AKAP19: variants seen among roughly 807,000 people sequenced by gnomAD.
AKAP19 encodes the protein A-kinase anchoring protein 19.
chr2:190,150,315 G>A, the AKAP19 span: 1 of 152,114 alleles, frequency 6.6e-6, no homozygotes, highest in Non-Finnish European at 1.5e-5. Context: ...TGCTCCTCTG[G>A]TCACCCTCCT....
chr2:190,057,481 T>C, the AKAP19 span: 1 of 1,613,550 alleles, frequency 6.2e-7, no homozygotes, highest in Non-Finnish European at 8.5e-7. Flanking sequence ...CTTATATCTT[T>C]TAGGAGCGAT....
At chr2:190,030,997 C>T in the AKAP19 span, among the ~76,000 whole-genome samples, 8 of 152,150 alleles carry the variant, frequency 5.3e-5, no homozygotes, top group South Asian at 4.1e-4. Context: ...AGATAATTCA[C>T]GGTTTGCTGG....
At chr2:190,073,748 TA>T in the AKAP19 span, among the ~76,000 whole-genome samples, 11 of 148,224 alleles carry the variant, frequency 7.4e-5, no homozygotes, top group African/African-American at 1.2e-4. Context: ...ATCACTTAGT[TA>T]AAAAAAAAAC....
At chr2:190,013,485 T>C in the AKAP19 span, among the ~76,000 whole-genome samples, 1 of 151,924 alleles carries the variant, frequency 6.6e-6, no homozygotes, top group Admixed American at 6.6e-5. Context: ...TTTATTTGAG[T>C]CGTCTCTCTT....
chr2:190,123,226 C>T, the AKAP19 span, among the ~76,000 whole-genome samples: 9 of 152,064 alleles, frequency 5.9e-5, no homozygotes, highest in Non-Finnish European at 1.3e-4. Context: ...CTCATCAATC[C>T]TTTTTAAGCA....
At chr2:189,998,341 A>G in the AKAP19 span, among the ~76,000 whole-genome samples, 1 of 152,094 alleles carries the variant, frequency 6.6e-6, no homozygotes, top group Non-Finnish European at 1.5e-5. Context: ...GACTGCTGCT[A>G]TTTCTTCACC....
the AKAP19 span, among the ~76,000 whole-genome samples, chr2:190,167,255 T>C: frequency 6.6e-6 from 1 of 152,130 alleles, no homozygotes; most frequent in East Asian, 1.9e-4. Flanking sequence ...GAAACTCCCC[T>C]TTTTAAAACC....
At chr2:190,186,583 C>T in the AKAP19 span, among the ~76,000 whole-genome samples, 2 of 152,116 alleles carry the variant, frequency 1.3e-5, no homozygotes, top group East Asian at 1.9e-4. The surrounding 1 kb of genome is among the most constrained non-coding windows in gnomAD (Gnocchi z 5.5). Context: ...GTAGCTTTTC[C>T]TTTTTGGTGA....
the AKAP19 span, among the ~76,000 whole-genome samples, chr2:190,009,710 G>A: frequency 5.9e-5 from 9 of 152,114 alleles, no homozygotes; most frequent in South Asian, 2.1e-4. Context: ...GGGAGCCTTC[G>A]TCATAGAAAC....
chr2:190,125,369 A>G, the AKAP19 span, among the ~76,000 whole-genome samples: 1 of 152,192 alleles, frequency 6.6e-6, no homozygotes, highest in Non-Finnish European at 1.5e-5. Context: ...GTTCTGTCTC[A>G]GTGGAGAACG....
the AKAP19 span, chr2:189,917,846 A>G: frequency 6.6e-6 from 1 of 151,058 alleles, no homozygotes; most frequent in East Asian, 2.0e-4. Flanking sequence ...GTCATTTTAG[A>G]TTTTTTCTGT....
chr2:189,930,649 C>T, the AKAP19 span: 1 of 343,864 alleles, frequency 2.9e-6, no homozygotes, highest in Non-Finnish European at 5.7e-6. Flanking sequence ...GCACTCCAGC[C>T]TGGGTGACAA....
chr2:190,185,800 C>A, the AKAP19 span, among the ~76,000 whole-genome samples: 2 of 152,280 alleles, frequency 1.3e-5, no homozygotes, highest in East Asian at 3.9e-4. Flanking sequence ...TTATAATTCT[C>A]TTTCCTCAAT....
the AKAP19 span, among the ~76,000 whole-genome samples, chr2:190,024,934 G>A: frequency 6.6e-6 from 1 of 152,228 alleles, no homozygotes; most frequent in Admixed American, 6.5e-5. Context: ...TCTCAAAATA[G>A]AATTGATTTT....
the AKAP19 span, among the ~76,000 whole-genome samples, chr2:190,194,542 T>C: frequency 6.6e-6 from 1 of 150,694 alleles, no homozygotes; most frequent in Non-Finnish European, 1.5e-5. Context: ...ACTAGACACA[T>C]CGCAATCACC....
chr2:190,002,039 G>A, the AKAP19 span, among the ~76,000 whole-genome samples: 4 of 152,240 alleles, frequency 2.6e-5, no homozygotes, highest in East Asian at 5.8e-4. Context: ...GCAGAGAATC[G>A]CTGCCATTTC....
chr2:190,069,753 T>C, the AKAP19 span, among the ~76,000 whole-genome samples: 2 of 152,244 alleles, frequency 1.3e-5, no homozygotes, highest in South Asian at 4.1e-4. Context: ...TATTTGTTCA[T>C]TAAACCCTTA....
At chr2:189,953,621 T>G in the AKAP19 span, among the ~76,000 whole-genome samples, 4 of 121,540 alleles carry the variant, frequency 3.3e-5, no homozygotes, top group African/African-American at 1.1e-4. Flanking sequence ...GTGACAAGAG[T>G]GAAACTCCAT....
the AKAP19 span, among the ~76,000 whole-genome samples, chr2:190,128,710 A>G: frequency 6.6e-6 from 1 of 152,202 alleles, no homozygotes; most frequent in Non-Finnish European, 1.5e-5. Context: ...GCATGTGTTT[A>G]TGTTCATAAA....
Sources: gnomAD v4.1 joint callset for allele counts (sites outside exome capture counted in the v4.1 genomes callset) on GRCh38, gnomAD v4.1.1 for gene constraint, Gnocchi (gnomAD v3.1) non-coding constraint, MANE v1.5 for transcripts, NCBI Gene and HGNC (gene_info 2026-07-23, HGNC 2026-07-21) for gene names.